CGNL1: variants seen among roughly 807,000 people sequenced by gnomAD.
CGNL1 encodes the protein cingulin like 1, also known as cingulin-like protein 1.
In CGNL1, 132 loss-of-function variants were observed where a neutral mutation model predicts 141.2. That is an observed-to-expected ratio of 0.93 (90% CI 0.81 to 1.08). CGNL1 has a LOEUF of 1.08. Ranked by LOEUF, CGNL1 falls within the 50% of genes least tolerant of loss-of-function variation. The pLI is 0.00. For missense variants in CGNL1, 1,870 were observed against 1,588.6 expected, an observed-to-expected ratio of 1.18 and a Z score of -3.01; for synonymous variants, 690 against 622.1, an observed-to-expected ratio of 1.11 and a Z score of -1.63.
At chr15:57,405,380 T>C (rs1358327703) in intron 1 of CGNL1, among the ~76,000 whole-genome samples, 2 of 152,352 alleles carry the variant, frequency 1.3e-5, no homozygotes, top group South Asian at 4.1e-4. Context: ...TGGCATTGAC[T>C]CTGGGCTACC....
At chr15:57,531,082 A>C (rs553355044) in intron 13 of CGNL1, among the ~76,000 whole-genome samples, 1 of 152,294 alleles carries the variant, frequency 6.6e-6, no homozygotes, top group Non-Finnish European at 1.5e-5. Flanking sequence ...TTCTCTGAAC[A>C]CTCAATTAGG....
At chr15:57,437,127 C>T (rs2063114879) in intron 1 of CGNL1, among the ~76,000 whole-genome samples, 1 of 152,162 alleles carries the variant, frequency 6.6e-6, no homozygotes, top group Non-Finnish European at 1.5e-5. Flanking sequence ...GGTGAGCATC[C>T]TGCTTGGTGA....
intron 1 of CGNL1, among the ~76,000 whole-genome samples, chr15:57,387,088 C>T (rs1358284715): frequency 6.6e-6 from 1 of 152,170 alleles, no homozygotes; most frequent in East Asian, 1.9e-4. Context: ...ACTCCACGTT[C>T]CTCCCTTCCC....
chr15:57,469,301 G>C (rs1670345109), intron 8 of CGNL1, among the ~76,000 whole-genome samples: 1 of 151,546 alleles, frequency 6.6e-6, no homozygotes. Context: ...AGGCTAATGA[G>C]TTCATCTTGA....
In CGNL1 at chr15:57,518,515, TTGTCATTACTCCCTCAAGAAGAA is replaced by T. The variant is rs545232862; in HGVS notation, c.2715+21_2715+43del. The T allele has an allele frequency of 1.4e-4, 209 of 1,526,936 alleles. No homozygotes were observed. In the African/African-American group the frequency reaches 2.5e-3, roughly 18 times the overall value. The allele number at this position is 1,526,936 out of a possible 1,614,324, so 94.6% of individuals were successfully genotyped here. A position where few individuals can be genotyped will look rare whatever the true frequency, so the allele number is the denominator to read the frequency against. ...CTGCTCAGGTAAACACCAAGGGCTG[TTGTCATTACTCCCTCAAGAAGAA>T]TGCATAGAGACGCAACACCAGAGGG... On this transcript the variant is annotated intron_variant, in intron 10 of 18. Coordinates refer to ENST00000281282, the MANE Select transcript of CGNL1 (RefSeq NM_032866.5).
At chr15:57,401,872 G>A (rs890324376) in intron 1 of CGNL1, 6 of 152,146 alleles carry the variant, frequency 3.9e-5, no homozygotes, top group Non-Finnish European at 7.3e-5. Context: ...TCCTGTTGAT[G>A]GGCTAGTGAG....
At chr15:57,379,111 T>C (rs1350961381) in intron 1 of CGNL1, among the ~76,000 whole-genome samples, 1 of 152,144 alleles carries the variant, frequency 6.6e-6, no homozygotes, top group Non-Finnish European at 1.5e-5. Context: ...TATTAAATGG[T>C]TTGTTAACTT....
At chr15:57,399,546 T>G (rs1164302576) in intron 1 of CGNL1, among the ~76,000 whole-genome samples, 1 of 43,654 alleles carries the variant, frequency 2.3e-5, no homozygotes, top group African/African-American at 6.9e-5. Context: ...TCTATAGTTG[T>G]TTTTTTTTTT....
Position 57,516,898 on chromosome 15 carries a change from T to C in CGNL1, c.2522T>C (p.Leu841Pro). ...NEKLQGRSEE[L>P]ERRVAQLQRQ... ...AAGCTGCAGGGAAGAAGCGAAGAGC[T>C]GGAGCGGAGAGTTGCTCAGCTTCAA... Residue 841 changes from leucine to proline, a missense_variant, in exon 9 of 19, where the codon CTG becomes CCG. Leu to Pro is a moderately conservative substitution (Grantham distance 98). Coordinates refer to ENST00000281282, the MANE Select transcript of CGNL1 (RefSeq NM_032866.5). 1 of 1,613,502 alleles carries C rather than the reference T, an allele frequency of 6.2e-7. No homozygotes were observed. The highest frequency in any genetic ancestry group is 8.5e-7 in the Non-Finnish European group (1 of 1,180,030).
At chr15:57,468,890 C>T (rs146982113) in intron 8 of CGNL1, among the ~76,000 whole-genome samples, 7 of 152,286 alleles carry the variant, frequency 4.6e-5, no homozygotes, top group African/African-American at 1.4e-4. Flanking sequence ...TCCGCTTTTG[C>T]GCCTTCCTCA....
intron 14 of CGNL1, among the ~76,000 whole-genome samples, chr15:57,538,604 G>A (rs943741596): frequency 2.0e-5 from 3 of 152,278 alleles, no homozygotes; most frequent in Non-Finnish European, 4.4e-5. Flanking sequence ...CTGTTTCCTG[G>A]TGGGATCCAG....
intron 1 of CGNL1, among the ~76,000 whole-genome samples, chr15:57,413,206 TCTCTCTTC>T (rs200597464): frequency 3.1e-5 from 4 of 128,250 alleles, no homozygotes; most frequent in Non-Finnish European, 4.8e-5. Context: ...TTTCTCTCTT[TCTCTCTTC>T]CTCTCTTCCT....
intron 8 of CGNL1, among the ~76,000 whole-genome samples, chr15:57,469,027 A>G (rs1263916342): frequency 3.3e-5 from 5 of 152,172 alleles, no homozygotes; most frequent in Non-Finnish European, 7.3e-5. Flanking sequence ...TAAATTGCCC[A>G]GTCTTGGGTA....
At chr15:57,528,269 C>CA (rs60913934) in intron 12 of CGNL1, among the ~76,000 whole-genome samples, 6,728 of 150,466 alleles carry the variant, frequency 0.045, 316 homozygotes, top group African/African-American at 0.12. Flanking sequence ...AAAAAAAAGA[C>CA]AAAAAAAAAC....
chr15:57,501,217 T>G (rs909150981), intron 8 of CGNL1, among the ~76,000 whole-genome samples: 9 of 152,210 alleles, frequency 5.9e-5, no homozygotes, highest in African/African-American at 2.2e-4. Context: ...CAACTCTGGC[T>G]GCCTGGGTTG....
intron 1 of CGNL1, among the ~76,000 whole-genome samples, chr15:57,411,715 G>A (rs2062790197): frequency 6.6e-6 from 1 of 151,202 alleles, no homozygotes; most frequent in Non-Finnish European, 1.5e-5. Context: ...AAAGTGCTGG[G>A]ATTACAGCAT....
At chr15:57,396,010 A>G (rs1436047805) in intron 1 of CGNL1, among the ~76,000 whole-genome samples, 1 of 152,226 alleles carries the variant, frequency 6.6e-6, no homozygotes, top group Non-Finnish European at 1.5e-5. Context: ...TCATAAAAAC[A>G]GAATCATATT....
At chr15:57,472,888 T>C (rs1239914148) in intron 8 of CGNL1, among the ~76,000 whole-genome samples, 1 of 152,166 alleles carries the variant, frequency 6.6e-6, no homozygotes, top group Non-Finnish European at 1.5e-5. Flanking sequence ...TTATAATGGG[T>C]CAGCGGTGGG....
At chr15:57,506,645 A>T (rs2064107354) in intron 8 of CGNL1, among the ~76,000 whole-genome samples, 1 of 151,986 alleles carries the variant, frequency 6.6e-6, no homozygotes, top group Non-Finnish European at 1.5e-5. Context: ...TGCTGCCCCC[A>T]CTTGGAAGAA....
Sources: allele counts gnomAD v4.1 joint callset (sites outside exome capture counted in the v4.1 genomes callset), GRCh38; gene constraint gnomAD v4.1.1; transcripts MANE v1.5; gene names NCBI Gene and HGNC (gene_info 2026-07-23, HGNC 2026-07-21).